The following HPSE2 variants were observed in gnomAD, a reference collection of about 807,000 sequenced individuals.
HPSE2 encodes the protein inactive heparanase-2.
Under a neutral mutation model 60.5 loss-of-function variants are expected in HPSE2, and 38 were observed. The observed-to-expected ratio is 0.63, with a 90% CI of 0.48 to 0.82. The LOEUF (loss-of-function observed/expected upper bound fraction) is 0.82. Ranked by LOEUF, HPSE2 falls within the 40% of genes least tolerant of loss-of-function variation. The pLI, the probability that HPSE2 is intolerant of heterozygous loss-of-function variation, is 0.00. For missense variants in HPSE2, 713 were observed against 740.4 expected (o/e 0.96, Z 0.43); for synonymous variants, 295 against 293.2 (o/e 1.01, Z -0.06).
chr10:98,704,826 A>G (rs1304204677), intron 5 of HPSE2, among the ~76,000 whole-genome samples: 1 of 152,226 alleles, frequency 6.6e-6, no homozygotes, highest in Non-Finnish European at 1.5e-5. Flanking sequence ...AACCTAGGCA[A>G]TATCATTCAG....
chr10:99,196,659 G>C (rs996770395), intron 2 of HPSE2, among the ~76,000 whole-genome samples: 17 of 152,116 alleles, frequency 1.1e-4, no homozygotes, highest in African/African-American at 2.9e-4. Flanking sequence ...AAACTGCAAG[G>C]AGATATTATC....
chr10:98,899,581 T>C (rs1417527914), intron 3 of HPSE2, among the ~76,000 whole-genome samples: 1 of 152,042 alleles, frequency 6.6e-6, no homozygotes, highest in Non-Finnish European at 1.5e-5. Flanking sequence ...TTATAAATTA[T>C]TAGGAAAATG....
At chr10:99,291,653 AT>A in the HPSE2 span, among the ~76,000 whole-genome samples, 1 of 151,650 alleles carries the variant, frequency 6.6e-6, no homozygotes, top group Non-Finnish European at 1.5e-5. Flanking sequence ...ACCTTTTGGC[AT>A]CCTATCTCGT....
rs187379332 is a variant in HPSE2 at position 98,826,807 on chromosome 10, C to T, written c.611-82751G>A. ...GCTCAAGCTGCCCAGTTGGATGATACCACATAGAAGAGAGGTGAGCCTGCT... is the reference window on the plus strand; with the variant it reads ...GCTCAAGCTGCCCAGTTGGATGATATCACATAGAAGAGAGGTGAGCCTGCT... On this transcript the variant is annotated intron_variant, in intron 3 of 11. Coordinates refer to ENST00000370552, the MANE Select transcript of HPSE2 (RefSeq NM_021828.5). 4.3e-4 allele frequency among the ~76,000 whole-genome samples: 66 copies of T among 152,196 alleles called. 1 individual carries two copies. The highest frequency in any genetic ancestry group is 1.6e-3 in the African/African-American group (66 of 41,536).
At chr10:99,306,030 T>C in the HPSE2 span, among the ~76,000 whole-genome samples, 8 of 65,400 alleles carry the variant, frequency 1.2e-4, no homozygotes, top group African/African-American at 5.0e-4. Flanking sequence ...TGCTGGGGAG[T>C]AGGAGAGAAC....
intron 3 of HPSE2, among the ~76,000 whole-genome samples, chr10:98,755,259 G>A (rs141967973): frequency 6.6e-6 from 1 of 152,206 alleles, no homozygotes; most frequent in East Asian, 1.9e-4. Context: ...AACCAACAAT[G>A]ATCAGAAAAG....
At chr10:99,227,414 TGTA>T (rs1172063110) in intron 2 of HPSE2, among the ~76,000 whole-genome samples, 2 of 152,102 alleles carry the variant, frequency 1.3e-5, no homozygotes, top group Non-Finnish European at 2.9e-5. Flanking sequence ...TTTTTTAAAA[TGTA>T]GTTCTAGTGC....
chr10:98,610,962 G>A (rs1001136696), intron 9 of HPSE2, among the ~76,000 whole-genome samples: 2 of 152,208 alleles, frequency 1.3e-5, no homozygotes, highest in Middle Eastern at 3.2e-3. Flanking sequence ...AAATGCCCAT[G>A]ACTGGTGGGG....
the HPSE2 span, among the ~76,000 whole-genome samples, chr10:99,262,278 G>A: frequency 7.9e-5 from 12 of 152,064 alleles, 1 homozygote; most frequent in African/African-American, 2.9e-4. Flanking sequence ...CCCAACTCTG[G>A]TGCCAACTTG....
At chr10:99,159,779 G>A (rs939440992) in intron 2 of HPSE2, among the ~76,000 whole-genome samples, 3 of 152,076 alleles carry the variant, frequency 2.0e-5, no homozygotes, top group African/African-American at 7.2e-5. Flanking sequence ...GACACCAAAA[G>A]TATAATTCAA....
At chr10:98,500,369 G>C (rs901338148) in intron 9 of HPSE2, among the ~76,000 whole-genome samples, 1 of 152,050 alleles carries the variant, frequency 6.6e-6, no homozygotes, top group Non-Finnish European at 1.5e-5. Context: ...ACTCCAAAAG[G>C]AATCTTCAAA....
intron 3 of HPSE2, among the ~76,000 whole-genome samples, chr10:98,774,943 C>T (rs1401312007): frequency 2.0e-5 from 3 of 152,112 alleles, no homozygotes; most frequent in Non-Finnish European, 4.4e-5. Flanking sequence ...CAATAGAATC[C>T]ACAAGTGTCA....
At chr10:98,545,729 T>G (rs1406450730) in intron 9 of HPSE2, among the ~76,000 whole-genome samples, 1 of 151,882 alleles carries the variant, frequency 6.6e-6, no homozygotes, top group African/African-American at 2.4e-5. Context: ...AGCATTCCCT[T>G]TGAAAACTGG....
chr10:98,518,379 A>G (rs1221506319), intron 9 of HPSE2, among the ~76,000 whole-genome samples: 2 of 152,058 alleles, frequency 1.3e-5, no homozygotes, highest in Non-Finnish European at 2.9e-5. Flanking sequence ...CTTGGGCAAA[A>G]ACTTTCCCTC....
In HPSE2 at chr10:98,472,895, T is replaced by C. The variant is rs1402326295; in HGVS notation, c.1613+9741A>G. The stretch of plus-strand genomic sequence containing the variant: ...AATACATAGATAGCAATGGAGGAAA[T>C]TGCCTTATACCTGTATTAGAGCAAA... On this transcript the variant is annotated intron_variant, in intron 11 of 11. Coordinates refer to ENST00000370552, the MANE Select transcript of HPSE2 (RefSeq NM_021828.5). Among the ~76,000 whole-genome samples, 4 of 152,104 alleles carry C rather than the reference T, an allele frequency of 2.6e-5. No individual in the cohort carries two copies. In the South Asian group the frequency reaches 8.3e-4, roughly 31 times the overall value.
intron 3 of HPSE2, among the ~76,000 whole-genome samples, chr10:99,060,256 A>G (rs559830468): frequency 4.6e-5 from 7 of 152,316 alleles, no homozygotes; most frequent in African/African-American, 1.4e-4. Context: ...TAAACAATTT[A>G]AGCTTAGAAG....
chr10:98,530,981 G>A (rs1164253771), intron 9 of HPSE2, among the ~76,000 whole-genome samples: 1 of 152,242 alleles, frequency 6.6e-6, no homozygotes, highest in South Asian at 2.1e-4. Context: ...CTCCCTGCCT[G>A]CCTGGCCATT....
chr10:98,548,679 A>G (rs1943769417), intron 9 of HPSE2, among the ~76,000 whole-genome samples: 1 of 152,102 alleles, frequency 6.6e-6, no homozygotes, highest in Non-Finnish European at 1.5e-5. Context: ...GGTAAGGGGA[A>G]CAAGTGCTGA....
At chr10:98,684,316 G>C (rs1187680399) in intron 6 of HPSE2, among the ~76,000 whole-genome samples, 1 of 152,150 alleles carries the variant, frequency 6.6e-6, no homozygotes, top group East Asian at 1.9e-4. Context: ...AGATGAAACT[G>C]ATGGTTACCT....
Sources: gnomAD v4.1 joint callset for allele counts (sites outside exome capture counted in the v4.1 genomes callset) on GRCh38, gnomAD v4.1.1 for gene constraint, MANE v1.5 for transcripts, NCBI Gene and HGNC (gene_info 2026-07-23, HGNC 2026-07-21) for gene names.